The following CERT1 variants were observed in gnomAD, a reference collection of about 807,000 sequenced individuals.
CERT1 encodes ceramide transfer protein.
CERT1 carries 31 observed loss-of-function variants against 87.9 expected under a neutral mutation model. The observed-to-expected ratio is 0.35, with a 90% CI of 0.27 to 0.48. CERT1 has a LOEUF of 0.48. Ranked by LOEUF, CERT1 falls within the 20% of genes least tolerant of loss-of-function variation. CERT1 has a pLI of 0.99. For synonymous variants in CERT1, 289 were observed against 250.9 expected, an observed-to-expected ratio of 1.15 and a Z score of -1.44; for missense variants, 487 against 758.0, an observed-to-expected ratio of 0.64 and a Z score of 4.20.
intron 3 of CERT1, among the ~76,000 whole-genome samples, chr5:75,437,124 A>G (rs1349295832): frequency 1.3e-5 from 2 of 152,182 alleles, no homozygotes; most frequent in African/African-American, 4.8e-5. Context: ...CACCCTATTC[A>G]TGTCCAGTAT....
At chr5:75,483,116 T>C (rs940940561) in intron 2 of CERT1, among the ~76,000 whole-genome samples, 5 of 152,188 alleles carry the variant, frequency 3.3e-5, no homozygotes, top group African/African-American at 9.7e-5. Context: ...ATAGCTATTT[T>C]GAGTTAGCTC....
At chr5:75,445,300 A>T (rs972644061) in intron 3 of CERT1, among the ~76,000 whole-genome samples, 7 of 152,186 alleles carry the variant, frequency 4.6e-5, no homozygotes, top group African/African-American at 1.7e-4. Flanking sequence ...TTTTACTAAG[A>T]TTTTTATTTC....
In CERT1 at chr5:75,447,532, G is replaced by A. The variant is rs574790831; in HGVS notation, c.348+11533C>T. On this transcript the variant is annotated intron_variant, in intron 3 of 16. Coordinates refer to ENST00000643780, the MANE Select transcript of CERT1 (RefSeq NM_001379029.1). ...GTTGCCCAGGGTAGAGTGCAGTGGC[G>A]CGATCTTGGCTCACTGCAAGCTCTG... Among the ~76,000 whole-genome samples the A allele has an allele frequency of 1.8e-3, 269 of 151,278 alleles. 1 individual carries two copies. Among genetic ancestry groups the A allele is most frequent in the African/African-American group, 6.1e-3 (253 of 41,192 alleles).
intron 11 of CERT1, among the ~76,000 whole-genome samples, chr5:75,390,145 A>C (rs1486806166): frequency 6.6e-6 from 1 of 152,100 alleles, no homozygotes; most frequent in Non-Finnish European, 1.5e-5. Context: ...AGAGAGAGAG[A>C]GCATATCTTT....
At position 75,396,148 on chromosome 5, in the gene CERT1, T is replaced by C. The variant is rs116567877; in HGVS notation, c.1188+3162A>G. ...CAAGGTAGTCATGAGCCAACACTTA[T>C]ATAAACAGCAAAGTGAAATTACCAG... On this transcript the variant is annotated intron_variant, in intron 11 of 16. Transcript: ENST00000643780. Among the ~76,000 whole-genome samples, 1,128 of 152,330 alleles carry C rather than the reference T, an allele frequency of 7.4e-3. 13 individuals carry two copies. The highest frequency in any genetic ancestry group is 0.024 in the African/African-American group (1,009 of 41,570).
chr5:75,465,651 G>C (rs1016529712), intron 2 of CERT1, among the ~76,000 whole-genome samples: 3 of 152,176 alleles, frequency 2.0e-5, no homozygotes, highest in Non-Finnish European at 4.4e-5. Flanking sequence ...ACCCCTGCTG[G>C]GATTGCACCA....
intron 3 of CERT1, among the ~76,000 whole-genome samples, chr5:75,434,231 G>A (rs984448129): frequency 1.3e-5 from 2 of 149,102 alleles, no homozygotes; most frequent in African/African-American, 5.0e-5. Context: ...TTAATCTAAG[G>A]CCTTTCCTGT....
chr5:75,380,485 A>C (rs755965598), intron 16 of CERT1, among the ~76,000 whole-genome samples: 11 of 152,068 alleles, frequency 7.2e-5, no homozygotes, highest in Non-Finnish European at 1.6e-4. Flanking sequence ...ATCTAAGAAA[A>C]TGGTGCTTAA....
chr5:75,379,573 T>C, intron 16 of CERT1, 100 bp from the exon 17 acceptor site: 1 of 1,089,556 alleles, frequency 9.2e-7, no homozygotes, highest in South Asian at 1.5e-5. Flanking sequence ...TTCCTCACAT[T>C]GGACCAATTA....
intron 2 of CERT1, among the ~76,000 whole-genome samples, chr5:75,504,222 GA>G (rs1373896903): frequency 1.3e-5 from 2 of 151,938 alleles, no homozygotes; most frequent in Admixed American, 1.3e-4. Context: ...CCATTGATAT[GA>G]ATAATGATCT....
intron 5 of CERT1, among the ~76,000 whole-genome samples, chr5:75,421,807 A>G (rs1763388867): frequency 2.0e-5 from 3 of 152,186 alleles, no homozygotes; most frequent in Admixed American, 1.3e-4. Context: ...AAGTTAAAAC[A>G]GTTTGTTACT....
chr5:75,474,016 A>G (rs961761236), intron 2 of CERT1, among the ~76,000 whole-genome samples: 2 of 152,228 alleles, frequency 1.3e-5, no homozygotes, highest in African/African-American at 2.4e-5. Flanking sequence ...GTAAAACCAA[A>G]GACAGGCAGC....
At chr5:75,416,444 T>C (rs75479732) in intron 7 of CERT1, among the ~76,000 whole-genome samples, 779 of 152,282 alleles carry the variant, frequency 5.1e-3, no homozygotes, top group Non-Finnish European at 8.8e-3. Context: ...AACAACATAA[T>C]GTATGTTAAA....
At chr5:75,464,605 G>C (rs1009853583) in intron 2 of CERT1, among the ~76,000 whole-genome samples, 10 of 152,202 alleles carry the variant, frequency 6.6e-5, no homozygotes, top group African/African-American at 2.4e-4. Flanking sequence ...TTTGGACACA[G>C]CGTCTCACTT....
At chr5:75,477,590 T>G (rs1378403698) in intron 2 of CERT1, among the ~76,000 whole-genome samples, 1 of 133,132 alleles carries the variant, frequency 7.5e-6, no homozygotes, top group Non-Finnish European at 1.5e-5. Context: ...TAATGATATA[T>G]AGCATATATA....
intron 3 of CERT1, among the ~76,000 whole-genome samples, chr5:75,453,853 G>C (rs1350293297): frequency 6.6e-6 from 1 of 152,132 alleles, no homozygotes; most frequent in East Asian, 1.9e-4. Flanking sequence ...AGCACGAGTG[G>C]AGGGTGCGTG....
At chr5:75,450,144 G>A (rs1260793371) in intron 3 of CERT1, among the ~76,000 whole-genome samples, 2 of 152,042 alleles carry the variant, frequency 1.3e-5, no homozygotes, top group East Asian at 1.9e-4. Flanking sequence ...AAGTATTTGG[G>A]TGTAAACCAA....
intron 2 of CERT1, among the ~76,000 whole-genome samples, chr5:75,486,736 C>G (rs557496067): frequency 1.3e-5 from 2 of 151,876 alleles, no homozygotes; most frequent in South Asian, 4.2e-4. Context: ...TTTATAATAG[C>G]TAGAAATAAA....
intron 8 of CERT1, among the ~76,000 whole-genome samples, chr5:75,405,789 T>A (rs1762679148): frequency 6.7e-6 from 1 of 148,998 alleles, no homozygotes; most frequent in Admixed American, 6.8e-5. Context: ...TTAAACTTTA[T>A]CACAGGTACA....
Sources: allele counts gnomAD v4.1 joint callset (sites outside exome capture counted in the v4.1 genomes callset), GRCh38; gene constraint gnomAD v4.1.1; transcripts MANE v1.5; gene names NCBI Gene and HGNC (gene_info 2026-07-23, HGNC 2026-07-21).